HRH1: variants seen among roughly 807,000 people sequenced by gnomAD.
HRH1 encodes histamine receptor H1.
HRH1 carries 6 observed loss-of-function variants against 10.3 expected under a neutral mutation model. That is an observed-to-expected ratio of 0.58 (90% CI 0.32 to 1.15). The LOEUF is 1.15. HRH1 is among the 50% of genes most tolerant of loss of function. The pLI is 0.05. For missense variants in HRH1, 514 were observed against 615.3 expected, an observed-to-expected ratio of 0.84 and a Z score of 1.74; for synonymous variants, 242 against 236.7, an observed-to-expected ratio of 1.02 and a Z score of -0.21.
chr3:11,165,808 A>G (rs1278435304), intron 1 of HRH1, among the ~76,000 whole-genome samples: 1 of 152,192 alleles, frequency 6.6e-6, no homozygotes, highest in African/African-American at 2.4e-5. Context: ...TGTTACTTTG[A>G]AAACACTGCA....
At chr3:11,154,240 T>A (rs909618136), upstream of HRH1, among the ~76,000 whole-genome samples, 5 of 151,992 alleles carry the variant, frequency 3.3e-5, no homozygotes, top group African/African-American at 1.2e-4. This position sits in a 1 kb window ranked among gnomAD's most constrained non-coding sequence, Gnocchi z 4.4. Flanking sequence ...CGAGCCCGGG[T>A]ACCCAGCGGG....
chr3:11,172,231 A>G (rs1019265716), intron 1 of HRH1, among the ~76,000 whole-genome samples: 3 of 152,222 alleles, frequency 2.0e-5, no homozygotes, highest in African/African-American at 7.2e-5. Flanking sequence ...CCACTCTGCC[A>G]GCGGTGAGGG....
At chr3:11,254,716 C>A (rs558155979) in intron 1 of HRH1, among the ~76,000 whole-genome samples, 1 of 152,270 alleles carries the variant, frequency 6.6e-6, no homozygotes, top group South Asian at 2.1e-4. Context: ...CCAGATGAAC[C>A]CCCAAGTTTG....
At chr3:11,196,171 C>T (rs1003976464) in intron 1 of HRH1, among the ~76,000 whole-genome samples, 15 of 152,306 alleles carry the variant, frequency 9.8e-5, no homozygotes, top group South Asian at 6.2e-4. Flanking sequence ...ACTCTCCACA[C>T]GATCTTGCAT....
chr3:11,174,745 G>T (rs988123292), intron 1 of HRH1, among the ~76,000 whole-genome samples: 2 of 152,138 alleles, frequency 1.3e-5, no homozygotes, highest in South Asian at 2.1e-4. Context: ...GGTGCCCCTC[G>T]TGTACAGGGG....
At chr3:11,231,096 A>G (rs1939027621) in intron 1 of HRH1, among the ~76,000 whole-genome samples, 1 of 152,066 alleles carries the variant, frequency 6.6e-6, no homozygotes, top group Non-Finnish European at 1.5e-5. Flanking sequence ...AATGTCACAC[A>G]GTTAGTAACC....
chr3:11,165,059 C>G (rs867010966), intron 1 of HRH1, among the ~76,000 whole-genome samples: 6 of 152,290 alleles, frequency 3.9e-5, no homozygotes, highest in African/African-American at 2.4e-5. Context: ...AGGCCAGTAA[C>G]AACAAAGCAG....
At chr3:11,191,301 T>C (rs143592582) in intron 1 of HRH1, among the ~76,000 whole-genome samples, 76 of 152,282 alleles carry the variant, frequency 5.0e-4, no homozygotes, top group African/African-American at 1.8e-3. Context: ...TGGGGAGCCA[T>C]GAACAACCCT....
At chr3:11,142,706 A>G (rs1249944516) in intron 1 of HRH1, among the ~76,000 whole-genome samples, 2 of 152,152 alleles carry the variant, frequency 1.3e-5, no homozygotes, top group Non-Finnish European at 2.9e-5. Context: ...CGAGGTCAGG[A>G]GTTCAAGACC....
intron 1 of HRH1, among the ~76,000 whole-genome samples, chr3:11,222,101 C>G (rs552785845): frequency 2.6e-5 from 4 of 152,228 alleles, no homozygotes; most frequent in Admixed American, 6.5e-5. Flanking sequence ...ATCCTTTATT[C>G]CAGTGATGGT....
intron 1 of HRH1, among the ~76,000 whole-genome samples, chr3:11,255,751 C>A (rs978741751): frequency 2.0e-5 from 3 of 152,180 alleles, no homozygotes; most frequent in African/African-American, 7.2e-5. Flanking sequence ...CAGATGGTTG[C>A]ATTCTTTTGA....
At chr3:11,219,179 G>A (rs545308966) in intron 1 of HRH1, among the ~76,000 whole-genome samples, 20 of 152,204 alleles carry the variant, frequency 1.3e-4, no homozygotes, top group African/African-American at 4.3e-4. Context: ...GTGAGCGACC[G>A]CGCCTGGCCT....
intron 1 of HRH1, among the ~76,000 whole-genome samples, chr3:11,139,608 A>G (rs1936253533): frequency 2.6e-5 from 4 of 152,176 alleles, no homozygotes; most frequent in South Asian, 2.1e-4. Flanking sequence ...GATATAACCC[A>G]TATGTCCATC....
Position 11,259,734 on chromosome 3 carries a change from T to C in HRH1, c.697T>C (p.Ser233Pro). ...GGAGCTCATCAATAGGTCCCTCCCTTCCTTCTCAGAAATTAAGCTGAGGCC... is the reference window on the plus strand; with the variant it reads ...GGAGCTCATCAATAGGTCCCTCCCTCCCTTCTCAGAAATTAAGCTGAGGCC... ...HRELINRSLPSFSEIKLRPEN... is the reference protein window; with the variant it reads ...HRELINRSLPPFSEIKLRPEN... The change falls in exon 2 of 2, where the codon TCC (serine) becomes CCC (proline). Residue 233 changes from serine to proline, a missense_variant. Transcript: ENST00000431010. The surrounding 1 kb of genome is among the most constrained non-coding windows in gnomAD (Gnocchi z 4.6). 1 of 1,614,032 alleles carries C rather than the reference T, an allele frequency of 6.2e-7. No individual in the cohort carries two copies. The highest frequency in any genetic ancestry group is 8.5e-7 in the Non-Finnish European group (1 of 1,179,996).
intron 1 of HRH1, among the ~76,000 whole-genome samples, chr3:11,246,584 T>G (rs762580229): frequency 6.6e-5 from 10 of 152,224 alleles, no homozygotes; most frequent in Non-Finnish European, 1.3e-4. Context: ...ACGAGAACTA[T>G]CCATTCAAGC....
intron 1 of HRH1, among the ~76,000 whole-genome samples, chr3:11,155,144 C>T (rs1936755901): frequency 6.6e-6 from 1 of 152,148 alleles, no homozygotes; most frequent in African/African-American, 2.4e-5. Flanking sequence ...AAGCCCCAGG[C>T]TCAGCGTCAC....
rs75443777 is a variant in HRH1 at position 11,160,483 on chromosome 3, G to T, written c.-36+5929G>T. On this transcript the variant is annotated intron_variant, in intron 1 of 1. Transcript: ENST00000431010. The stretch of plus-strand genomic sequence containing the variant: ...GTTTCATATTTTAGACTAAATTATC[G>T]CTCTCTAACCTATTTGGGTTTTGAA... Among the ~76,000 whole-genome samples the T allele has an allele frequency of 6.1e-3, 926 of 152,220 alleles. 9 individuals carry two copies. Among genetic ancestry groups the T allele is most frequent in the African/African-American group, 0.02 (847 of 41,526 alleles).
intron 1 of HRH1, among the ~76,000 whole-genome samples, chr3:11,144,484 C>CATATGGACATATAG: frequency 4.7e-5 from 1 of 21,084 alleles, no homozygotes; most frequent in East Asian, 1.7e-3. Flanking sequence ...CATATATATA[C>CATATGGACATATAG]ACACACACAC....
intron 1 of HRH1, among the ~76,000 whole-genome samples, chr3:11,195,515 G>A (rs1395059398): frequency 1.3e-5 from 2 of 152,214 alleles, no homozygotes; most frequent in African/African-American, 2.4e-5. Flanking sequence ...GAATGACCTG[G>A]TGTGGCTGTG....
Sources: allele counts gnomAD v4.1 joint callset (sites outside exome capture counted in the v4.1 genomes callset), GRCh38; gene constraint gnomAD v4.1.1; non-coding constraint Gnocchi (gnomAD v3.1); transcripts MANE v1.5; gene names NCBI Gene and HGNC (gene_info 2026-07-23, HGNC 2026-07-21).